IPO9: variants seen among roughly 807,000 people sequenced by gnomAD.
IPO9 encodes importin 9, also known as importin-9.
IPO9 carries 28 observed loss-of-function variants against 128.6 expected under a neutral mutation model. The ratio of observed to expected loss-of-function variants is 0.22; its 90% CI spans 0.16 to 0.30. The LOEUF is 0.30. Among genes scored for constraint, IPO9 ranks in the 10% least tolerant of loss-of-function variants. The pLI is 1.00. For synonymous variants in IPO9, 455 were observed against 475.8 expected (o/e 0.96, Z 0.57); for missense variants, 935 against 1,293.9 (o/e 0.72, Z 4.26).
intron 1 of IPO9, among the ~76,000 whole-genome samples, chr1:201,832,785 C>T (rs1433977038): frequency 6.6e-6 from 1 of 152,222 alleles, no homozygotes; most frequent in East Asian, 1.9e-4. Context: ...TTAAGATTAA[C>T]TGGTCCGTTC....
chr1:201,843,467 ACTGT>A (rs1041217896), intron 1 of IPO9, among the ~76,000 whole-genome samples: 8 of 152,330 alleles, frequency 5.3e-5, no homozygotes, highest in African/African-American at 1.9e-4. Flanking sequence ...GTAAGAAGAG[ACTGT>A]CTTTCACCTT....
Position 201,879,607 on chromosome 1 carries a change from C to T in IPO9, c.*3553C>T, listed in dbSNP as rs1457815842. On this transcript the variant is annotated 3_prime_UTR_variant, in exon 24 of 24. Coordinates refer to ENST00000361565, the MANE Select transcript of IPO9 (RefSeq NM_018085.5). ...CAATTTAGAATCCAAATTTAGGATC[C>T]AAACAAATACCATTACAAACTATAA... 1 of 152,116 alleles carries T rather than the reference C, an allele frequency of 6.6e-6. No homozygotes were observed. The highest frequency in any genetic ancestry group is 2.4e-5 in the African/African-American group (1 of 41,404). 9.4% of individuals were successfully genotyped at this position (152,116 alleles called of 1,614,324 possible).
At position 201,882,723 on chromosome 1, in the gene IPO9, T is replaced by A. The variant is rs550786295; in HGVS notation, c.*6669T>A. On this transcript the variant is annotated 3_prime_UTR_variant, in exon 24 of 24. Coordinates refer to ENST00000361565, the MANE Select transcript of IPO9 (RefSeq NM_018085.5). Reference sequence around the variant, plus strand: ...CTAGAAGTCCCTCCCAGGCTTGAGTTGTTCTGACTTGGCATGATTACATAG... The same window carrying A: ...CTAGAAGTCCCTCCCAGGCTTGAGTAGTTCTGACTTGGCATGATTACATAG... The A allele has an allele frequency of 2.6e-5, 4 of 152,422 alleles. No homozygotes were observed. In the East Asian group the frequency reaches 5.8e-4, roughly 22 times the overall value. 9.4% of individuals were successfully genotyped at this position (152,422 alleles called of 1,614,324 possible).
chr1:201,843,432 A>T (rs995762818), intron 1 of IPO9, among the ~76,000 whole-genome samples: 22 of 152,252 alleles, frequency 1.4e-4, no homozygotes, highest in African/African-American at 4.8e-4. Context: ...GTGCGGGAAA[A>T]AAGACAGAAA....
intron 1 of IPO9, among the ~76,000 whole-genome samples, chr1:201,830,762 G>A (rs1427674552): frequency 6.6e-6 from 1 of 152,202 alleles, no homozygotes; most frequent in African/African-American, 2.4e-5. Flanking sequence ...AAACTTGAGA[G>A]TCTGGTGCAA....
At chr1:201,832,109 C>A (rs1679847233) in intron 1 of IPO9, among the ~76,000 whole-genome samples, 1 of 151,368 alleles carries the variant, frequency 6.6e-6, no homozygotes, top group African/African-American at 2.4e-5. Flanking sequence ...ACCATGTTGG[C>A]CAGGTTGTCT....
chr1:201,864,764 A>G (rs1290439551), intron 14 of IPO9, among the ~76,000 whole-genome samples: 2 of 152,248 alleles, frequency 1.3e-5, no homozygotes, highest in African/African-American at 2.4e-5. Context: ...TTAGAGTACA[A>G]AGAACTTTCA....
In IPO9 at chr1:201,830,479, A is replaced by T. The variant is rs541014198; in HGVS notation, c.163+1107A>T. Among the ~76,000 whole-genome samples the T allele has an allele frequency of 2.6e-5, 4 of 152,358 alleles. No homozygotes were observed. The South Asian group carries it at 8.3e-4, about 32-fold the overall frequency. On this transcript the variant is annotated intron_variant, in intron 1 of 23. Transcript: ENST00000361565. ...TGAAAACAAATTTTCTTCTGTTGGA[A>T]ATATGTTAAGATTTGGGATCTAACA...
intron 10 of IPO9, 32 bp downstream of exon 10, chr1:201,855,966 T>A: frequency 6.5e-7 from 1 of 1,534,764 alleles, no homozygotes; most frequent in Non-Finnish European, 8.8e-7. Flanking sequence ...GTTACCATCT[T>A]GTATTTGGAA....
In IPO9 at chr1:201,870,789, G is replaced by A. The variant is rs1239438792; in HGVS notation, c.2340G>A (p.Glu780=). 1.2e-6 allele frequency: 2 copies of A among 1,614,202 alleles called. No individual in the cohort carries two copies. The highest frequency in any genetic ancestry group is 2.2e-5 in the South Asian group (2 of 91,088). ...LISKAGRELG[E]NLDQILRAIL... ...CCAAGGCAGGGCGGGAACTCGGGGA[G>A]AATCTAGACCAGATTCTTCGTGCCA... The change falls in exon 18 of 24, where the codon GAG becomes GAA. Residue 780 remains glutamate, a synonymous_variant. Coordinates refer to ENST00000361565, the MANE Select transcript of IPO9 (RefSeq NM_018085.5). This position sits in a 1 kb window ranked among gnomAD's most constrained non-coding sequence, Gnocchi z 4.9.
At chr1:201,871,376 CTTTTTTTTTTTTTT>C (rs556986429) in intron 19 of IPO9, 49 bp downstream of exon 19, 27 of 149,250 alleles carry the variant, frequency 1.8e-4, no homozygotes, top group African/African-American at 5.4e-4. Context: ...ACTCATATTT[CTTTTTTTTTTTTTT>C]TTTTTTTTTT....
rs1307761470 is a variant in IPO9, at chr1:201,879,853, A to G, written c.*3799A>G. On this transcript the variant is annotated 3_prime_UTR_variant, in exon 24 of 24. Transcript: ENST00000361565. The stretch of plus-strand genomic sequence containing the variant: ...CAGGAGTTCGAGACCAGCCTGGCCA[A>G]TGTGGTGAAACCCCGCCTCTACTAA... 3.3e-5 allele frequency: 5 copies of G among 152,132 alleles called. No homozygotes were observed. The highest frequency in any genetic ancestry group is 7.3e-5 in the Non-Finnish European group (5 of 68,034). The allele number at this position is 152,132 out of a possible 1,614,324, so 9.4% of individuals were successfully genotyped here.
At chr1:201,848,874 C>T (rs967080687) in intron 4 of IPO9, among the ~76,000 whole-genome samples, 5 of 152,126 alleles carry the variant, frequency 3.3e-5, no homozygotes, top group Non-Finnish European at 5.9e-5. Flanking sequence ...AGTGGCTTCA[C>T]CTTGATCCTT....
intron 1 of IPO9, among the ~76,000 whole-genome samples, chr1:201,845,359 T>C (rs1216826112): frequency 1.3e-5 from 2 of 152,178 alleles, no homozygotes; most frequent in Non-Finnish European, 2.9e-5. Flanking sequence ...AGCTGAGGTT[T>C]AGAAAGGAAA....
At chr1:201,867,539 A>G (rs1680575314) in intron 15 of IPO9, among the ~76,000 whole-genome samples, 1 of 152,110 alleles carries the variant, frequency 6.6e-6, no homozygotes. Flanking sequence ...TTCCCAAAAA[A>G]TCCATAGAAT....
chr1:201,875,367 AT>A, intron 23 of IPO9, 139 bp downstream of exon 23: 1 of 755,410 alleles, frequency 1.3e-6, no homozygotes, highest in Non-Finnish European at 2.3e-6. Context: ...AGGCGGGAGG[AT>A]TGCTTAAGCC....
Position 201,870,299 on chromosome 1 carries a change from T to A in IPO9, c.2134-284T>A, listed in dbSNP as rs1558224602. 6.6e-6 allele frequency among the ~76,000 whole-genome samples: 1 copy of A among 152,210 alleles called. No homozygotes were observed. Among genetic ancestry groups the A allele is most frequent in the Non-Finnish European group, 1.5e-5 (1 of 68,034 alleles). On this transcript the variant is annotated intron_variant, in intron 17 of 23. Coordinates refer to ENST00000361565, the MANE Select transcript of IPO9 (RefSeq NM_018085.5). The surrounding 1 kb of genome is among the most constrained non-coding windows in gnomAD (Gnocchi z 4.9). ...TTTTTTAGTACCAGAGGTAGACCTT[T>A]ATGATTAAAATTCATTTTGCTTGGC... is the stretch of plus-strand genomic sequence containing the variant.
At chr1:201,843,091 G>A (rs1680065140) in intron 1 of IPO9, among the ~76,000 whole-genome samples, 2 of 152,156 alleles carry the variant, frequency 1.3e-5, no homozygotes, top group South Asian at 4.1e-4. Flanking sequence ...TAGATTGCAG[G>A]CAACAATACT....
chr1:201,859,378 A>G (rs962534895), intron 13 of IPO9, among the ~76,000 whole-genome samples: 1 of 151,728 alleles, frequency 6.6e-6, no homozygotes, highest in African/African-American at 2.4e-5. Context: ...ATGACAATCT[A>G]ATATTGCCTA....
Sources: allele counts gnomAD v4.1 joint callset (sites outside exome capture counted in the v4.1 genomes callset), GRCh38; gene constraint gnomAD v4.1.1; non-coding constraint Gnocchi (gnomAD v3.1); transcripts MANE v1.5; gene names NCBI Gene and HGNC (gene_info 2026-07-23, HGNC 2026-07-21).